HAGH: variants seen among roughly 807,000 people sequenced by gnomAD.
HAGH encodes hydroxyacylglutathione hydrolase, mitochondrial.
A neutral mutation model predicts 35.1 loss-of-function variants in HAGH; 29 were observed. The ratio of observed to expected loss-of-function variants is 0.83; its 90% CI spans 0.62 to 1.13. The LOEUF (loss-of-function observed/expected upper bound fraction) is 1.13, where lower values mean the gene tolerates loss of function less well. HAGH is among the 50% of genes most tolerant of loss of function. HAGH has a pLI of 0.00. For missense variants in HAGH, 478 were observed against 419.6 expected, an observed-to-expected ratio of 1.14 and a Z score of -1.22; for synonymous variants, 225 against 176.1, an observed-to-expected ratio of 1.28 and a Z score of -2.20.
rs552227236 is a variant in HAGH at position 1,809,458 on chromosome 16, GGCGACTCGT to G, written c.828-85_828-77del. ...AGGAGCCAGGGCCACTGCAGAGGAA[GGCGACTCGT>G]GCTGGCCGAGCCCAGCCCTCAGAGG... is the stretch of plus-strand genomic sequence containing the variant. On this transcript the variant is annotated intron_variant, in intron 8 of 8. Transcript: ENST00000397356. The G allele has an allele frequency of 8.0e-4, 993 of 1,237,228 alleles. 7 individuals are homozygous for G. In the African/African-American group the frequency reaches 0.013, roughly 16 times the overall value. 76.6% of individuals were successfully genotyped at this position (1,237,228 alleles called of 1,614,324 possible). A position where few individuals can be genotyped will look rare whatever the true frequency, so the allele number is the denominator to read the frequency against.
At chr16:1,815,123 G>A (rs2142033992) in intron 7 of HAGH, among the ~76,000 whole-genome samples, 1 of 46,336 alleles carries the variant, frequency 2.2e-5, no homozygotes, top group African/African-American at 6.4e-5. Flanking sequence ...GTCACATGGG[G>A]AAATCCACAT....
intron 1 of HAGH, among the ~76,000 whole-genome samples, chr16:1,826,094 G>A (rs575990232): frequency 6.6e-6 from 1 of 152,310 alleles, no homozygotes; most frequent in Non-Finnish European, 1.5e-5. Context: ...TCTACCCCCT[G>A]CAGAGCCTTG....
At chr16:1,809,585 G>A (rs1897543678) in intron 8 of HAGH, 169 bp downstream of exon 8, 1 of 680,990 alleles carries the variant, frequency 1.5e-6, no homozygotes, top group Non-Finnish European at 2.6e-6. Flanking sequence ...AAGGTGCCAG[G>A]AAAGGCCGGA....
rs543756394 is a variant in HAGH, at chr16:1,818,864, G to A, written c.541+251C>T. 1.8e-4 allele frequency: 89 copies of A among 504,874 alleles called. No homozygotes were observed. In the East Asian group the frequency reaches 2.0e-3, roughly 12 times the overall value. The allele number at this position is 504,874 out of a possible 1,614,324, so 31.3% of individuals were successfully genotyped here. ...GACTCCTTTCCCGTGGGACCCGCCCGGACCCCAGCTGTCCAGCAGTCTCCG... is the reference window on the plus strand; with the variant it reads ...GACTCCTTTCCCGTGGGACCCGCCCAGACCCCAGCTGTCCAGCAGTCTCCG... On this transcript the variant is annotated intron_variant, in intron 5 of 8. Transcript: ENST00000397356.
chr16:1,826,447 G>T, intron 1 of HAGH: 1 of 574,680 alleles, frequency 1.7e-6, no homozygotes, highest in Non-Finnish European at 2.2e-6. Context: ...GGCGTCAGGG[G>T]CGCGGCCGGC....
intron 1 of HAGH, among the ~76,000 whole-genome samples, chr16:1,824,145 C>A (rs3760040): frequency 0.13 from 19,764 of 151,828 alleles, 1,711 homozygotes; most frequent in South Asian, 0.19. Context: ...TTGCTTGAAT[C>A]CGGGAGGTGA....
chr16:1,813,383 C>A (rs919232664), intron 7 of HAGH, among the ~76,000 whole-genome samples: 9 of 152,164 alleles, frequency 5.9e-5, no homozygotes, highest in Non-Finnish European at 8.8e-5. Flanking sequence ...ACATAAACCT[C>A]CTTTTATAAG....
Position 1,809,849 on chromosome 16 carries a change from A to G in HAGH, c.748-16T>C, listed in dbSNP as rs1742442. 1,204,692 of 1,598,038 alleles carry G rather than the reference A, an allele frequency of 0.75. 455,709 individuals carry two copies. The highest frequency in any genetic ancestry group is 0.8 in the Middle Eastern group (4,827 of 6,036). On this transcript the variant is annotated splice_polypyrimidine_tract_variant and intron_variant, in intron 7 of 8. Transcript: ENST00000397356. Reference sequence around the variant, plus strand: ...TGTACTTCTCCTGCAAGAGAAACGCACCACTTTATCACGGGAACTTCACAG... The same window carrying G: ...TGTACTTCTCCTGCAAGAGAAACGCGCCACTTTATCACGGGAACTTCACAG...
chr16:1,825,042 C>T (rs376751705), intron 1 of HAGH, among the ~76,000 whole-genome samples: 3 of 152,308 alleles, frequency 2.0e-5, no homozygotes, highest in Middle Eastern at 3.4e-3. Flanking sequence ...ATACTGCCCA[C>T]GTGCGGTGGC....
At chr16:1,826,426 G>A in intron 1 of HAGH, 15 of 396,536 alleles carry the variant, frequency 3.8e-5, no homozygotes, top group Non-Finnish European at 5.1e-5. Flanking sequence ...GGCAGGACGC[G>A]ATGCCCTGGA....
chr16:1,824,925 G>C (rs8056465), intron 1 of HAGH, among the ~76,000 whole-genome samples: 6,211 of 151,856 alleles, frequency 0.041, 374 homozygotes, highest in South Asian at 0.13. Flanking sequence ...GTGGGTGCTG[G>C]GGGCTGCAGG....
intron 2 of HAGH, 125 bp downstream of exon 2, chr16:1,822,740 C>A: frequency 1.3e-6 from 1 of 788,130 alleles, no homozygotes. Flanking sequence ...AACAGAGTGG[C>A]CGGAGACTAA....
chr16:1,820,241 C>T (rs1003225941), intron 3 of HAGH, among the ~76,000 whole-genome samples: 1 of 151,972 alleles, frequency 6.6e-6, no homozygotes, highest in African/African-American at 2.4e-5. Context: ...ACCACCTGCA[C>T]GTCTTTACAA....
intron 3 of HAGH, chr16:1,821,670 G>A (rs1898151694): frequency 6.6e-6 from 1 of 152,278 alleles, no homozygotes; most frequent in Non-Finnish European, 1.5e-5. Flanking sequence ...GTCTCGCTCT[G>A]TCACCCAGGC....
At chr16:1,814,401 G>T (rs555245776) in intron 7 of HAGH, among the ~76,000 whole-genome samples, 1 of 151,684 alleles carries the variant, frequency 6.6e-6, no homozygotes, top group African/African-American at 2.4e-5. Context: ...TTAAACCCAG[G>T]AGGTGGATGT....
Position 1,822,350 on chromosome 16 carries a change from C to A in HAGH, c.264G>T (p.Ala88=), listed in dbSNP as rs775202951. 5.5e-5 allele frequency: 89 copies of A among 1,611,394 alleles called. 1 individual carries two copies. In the East Asian group the frequency reaches 1.9e-3, roughly 35 times the overall value. ...PVQPQKVVDA[A]RKHGVKLTTV... is the part of the protein sequence containing the mutation. Reference sequence around the variant, plus strand: ...TGGTCAGTTTCACCCCGTGCTTTCTCGCCGCGTCCACGACCTGCAGTGGCC... The same window carrying A: ...TGGTCAGTTTCACCCCGTGCTTTCTAGCCGCGTCCACGACCTGCAGTGGCC... The change falls in exon 3 of 9, where the codon GCG becomes GCT. Residue 88 remains alanine, a synonymous_variant. Coordinates refer to ENST00000397356, the MANE Select transcript of HAGH (RefSeq NM_005326.6).
rs1567252717 is a variant in HAGH at position 1,812,527 on chromosome 16, A to AAAG, written c.748-2695_748-2694insCTT. On this transcript the variant is annotated intron_variant, in intron 7 of 8. Transcript: ENST00000397356. Reference sequence around the variant, plus strand: ...CTCAAAAAAAAAAAAAAACAAAAAAAAAACACACAAATTGTCAAAATCAGG... The same window carrying AAAG: ...CTCAAAAAAAAAAAAAAACAAAAAAAAAGAAACACACAAATTGTCAAAATCAGG... 9.8e-4 allele frequency: 141 copies of AAAG among 143,494 alleles called. 1 individual carries two copies. Among genetic ancestry groups the AAAG allele is most frequent in the African/African-American group, 3.5e-3 (138 of 39,110 alleles). 8.9% of individuals were successfully genotyped at this position (143,494 alleles called of 1,614,324 possible). A position where few individuals can be genotyped will look rare whatever the true frequency, so the allele number is the denominator to read the frequency against.
intron 3 of HAGH, chr16:1,821,966 T>A (rs59319735): frequency 0.082 from 17,379 of 210,974 alleles, 1,101 homozygotes; most frequent in African/African-American, 0.16. Flanking sequence ...TTTTTTTTTT[T>A]AAAAACCACT....
intron 3 of HAGH, among the ~76,000 whole-genome samples, chr16:1,820,546 C>A (rs1455086294): frequency 6.6e-6 from 1 of 152,158 alleles, no homozygotes; most frequent in Non-Finnish European, 1.5e-5. Flanking sequence ...TAGACGCGGC[C>A]TGTCTGCAGG....
Sources: gnomAD v4.1 joint callset for allele counts (sites outside exome capture counted in the v4.1 genomes callset) on GRCh38, gnomAD v4.1.1 for gene constraint, MANE v1.5 for transcripts, NCBI Gene and HGNC (gene_info 2026-07-23, HGNC 2026-07-21) for gene names.